The following SLC2A9 variants were observed in gnomAD, a reference collection of about 807,000 sequenced individuals.
SLC2A9 encodes solute carrier family 2 member 9, also known as solute carrier family 2, facilitated glucose transporter member 9.
A neutral mutation model predicts 50.6 loss-of-function variants in SLC2A9; 39 were observed. The ratio of observed to expected loss-of-function variants is 0.77; its 90% CI spans 0.60 to 1.01. The LOEUF is 1.01. Among genes scored for constraint, SLC2A9 ranks in the 50% least tolerant of loss-of-function variants. The pLI is 0.00. For synonymous variants in SLC2A9, 324 were observed against 276.9 expected (o/e 1.17, Z -1.69); for missense variants, 686 against 677.6 (o/e 1.01, Z -0.14).
chr4:9,777,787 A>T (rs961196304), downstream of SLC2A9, among the ~76,000 whole-genome samples: 1 of 152,236 alleles, frequency 6.6e-6, no homozygotes, highest in Non-Finnish European at 1.5e-5. Context: ...GTCCAGGGTC[A>T]TAACGGCTGC....
At chr4:9,857,086 C>T (rs747719055) in intron 10 of SLC2A9, among the ~76,000 whole-genome samples, 1 of 152,138 alleles carries the variant, frequency 6.6e-6, no homozygotes, top group East Asian at 1.9e-4. Flanking sequence ...ATCAAACCTG[C>T]ACATGTACCC....
chr4:9,962,553 A>C (rs1046109513), intron 5 of SLC2A9, among the ~76,000 whole-genome samples: 2 of 152,110 alleles, frequency 1.3e-5, no homozygotes, highest in African/African-American at 4.8e-5. Flanking sequence ...AACAACACAC[A>C]CTGGGGCCTA....
downstream of SLC2A9, among the ~76,000 whole-genome samples, chr4:9,794,088 C>T (rs368835391): frequency 9.9e-5 from 15 of 151,946 alleles, no homozygotes; most frequent in African/African-American, 3.6e-4. Context: ...TGCTCATTTA[C>T]TAGAACTCAT....
intron 3 of SLC2A9, among the ~76,000 whole-genome samples, chr4:9,781,271 T>C (rs1475659303): frequency 1.3e-5 from 2 of 152,178 alleles, no homozygotes; most frequent in East Asian, 1.9e-4. Context: ...AAAGTCCGGA[T>C]TGGGACTCGG....
chr4:10,005,981 A>G (rs1303125741), intron 2 of SLC2A9, among the ~76,000 whole-genome samples: 1 of 152,212 alleles, frequency 6.6e-6, no homozygotes, highest in Non-Finnish European at 1.5e-5. Context: ...GAGAATGAAG[A>G]TACAGCACAG....
downstream of SLC2A9, among the ~76,000 whole-genome samples, chr4:9,777,238 T>C (rs1717683682): frequency 1.3e-5 from 2 of 151,874 alleles, no homozygotes; most frequent in South Asian, 4.2e-4. Context: ...AATCCCTAGC[T>C]GAAATGGCAA....
intron 3 of SLC2A9, among the ~76,000 whole-genome samples, chr4:9,788,072 T>C (rs1430995889): frequency 1.3e-5 from 2 of 152,226 alleles, no homozygotes; most frequent in East Asian, 1.9e-4. Context: ...GGTTGTCAAA[T>C]AGTGTTTTTA....
chr4:9,803,133 T>C (rs1355436778), intron 3 of SLC2A9, among the ~76,000 whole-genome samples: 2 of 152,250 alleles, frequency 1.3e-5, no homozygotes, highest in East Asian at 3.8e-4. Context: ...GGCAAACCAC[T>C]TAGCCTTTGT....
At chr4:9,793,738 C>T (rs1186831714) in intron 3 of SLC2A9, among the ~76,000 whole-genome samples, 2 of 152,084 alleles carry the variant, frequency 1.3e-5, no homozygotes, top group African/African-American at 2.4e-5. Flanking sequence ...TGGCAGGAAG[C>T]CATTTTCAAC....
intron 3 of SLC2A9, among the ~76,000 whole-genome samples, chr4:9,818,952 C>A (rs1007733043): frequency 2.0e-5 from 3 of 151,800 alleles, no homozygotes; most frequent in Non-Finnish European, 4.4e-5. Flanking sequence ...GAAACCCCGT[C>A]TCTACTAAAA....
At chr4:10,019,236 AAGT>A (rs1763190914) in intron 1 of SLC2A9, 163 bp from the exon 2 acceptor site, 2 of 646,862 alleles carry the variant, frequency 3.1e-6, no homozygotes, top group South Asian at 3.6e-5. Context: ...GGGGACCTGC[AAGT>A]AGGGTTCCAG....
At chr4:10,037,443 C>A (rs1467254589) in intron 1 of SLC2A9, among the ~76,000 whole-genome samples, 1 of 152,192 alleles carries the variant, frequency 6.6e-6, no homozygotes, top group Admixed American at 6.5e-5. Context: ...GCCTCCTCGA[C>A]ACAGTGCTCT....
At chr4:10,035,110 C>T (rs1764056253) in intron 1 of SLC2A9, 2 of 152,276 alleles carry the variant, frequency 1.3e-5, no homozygotes, top group African/African-American at 4.8e-5. Flanking sequence ...CGAGTTGGCC[C>T]CCTCCTGGTA....
intron 2 of SLC2A9, among the ~76,000 whole-genome samples, chr4:10,015,288 T>A (rs1762437835): frequency 6.6e-6 from 1 of 152,292 alleles, no homozygotes; most frequent in East Asian, 1.9e-4. Context: ...TGTTGGCGCC[T>A]GCCATTAGTG....
intron 10 of SLC2A9, chr4:9,879,210 A>C: frequency 1.0e-6 from 1 of 985,362 alleles, no homozygotes; most frequent in South Asian, 4.7e-5. Flanking sequence ...GTGGGAGCCC[A>C]GAGGGGCGGG....
At chr4:9,880,324 G>A in intron 10 of SLC2A9, 1 of 985,568 alleles carries the variant, frequency 1.0e-6, no homozygotes, top group Non-Finnish European at 1.2e-6. Context: ...CAACACAGGG[G>A]GTTGAAGATG....
intron 5 of SLC2A9, among the ~76,000 whole-genome samples, chr4:9,969,943 G>A (rs1001622755): frequency 3.3e-5 from 5 of 152,198 alleles, no homozygotes; most frequent in South Asian, 2.1e-4. Context: ...AGACAAAATA[G>A]TGTGTAGAGA....
At chr4:9,779,333 C>G (rs1335793234), downstream of SLC2A9, among the ~76,000 whole-genome samples, 2 of 152,086 alleles carry the variant, frequency 1.3e-5, no homozygotes, top group Non-Finnish European at 2.9e-5. Flanking sequence ...AGGCTGTGAA[C>G]TTTCCCTTCA....
rs573901290 is a variant in SLC2A9, at chr4:9,812,516, G to A, written n.421-13275C>T. On this transcript the variant is annotated intron_variant and non_coding_transcript_variant, in intron 3 of 3. Coordinates refer to the SLC2A9 transcript ENST00000503280. ...ACATGTTTTTTTTTTTTTCCTCATG[G>A]TTTGAAACTATAAGCCCTTTCTAAC... 7.3e-4 allele frequency among the ~76,000 whole-genome samples: 110 copies of A among 150,868 alleles called. 3 individuals are homozygous for A. The highest frequency in any genetic ancestry group is 3.4e-3 in the Middle Eastern group (1 of 290).
Sources: gnomAD v4.1 joint callset for allele counts (sites outside exome capture counted in the v4.1 genomes callset) on GRCh38, gnomAD v4.1.1 for gene constraint, MANE v1.5 for transcripts, NCBI Gene and HGNC (gene_info 2026-07-23, HGNC 2026-07-21) for gene names.